The following PHACTR1 variants were observed in gnomAD, a reference collection of about 807,000 sequenced individuals.
The protein encoded by PHACTR1 is RPEL repeat containing 1.
A neutral mutation model predicts 69.2 loss-of-function variants in PHACTR1; 16 were observed. That is an observed-to-expected ratio of 0.23 (90% CI 0.16 to 0.35). PHACTR1 has a LOEUF of 0.35. PHACTR1 is among the 10% of genes least tolerant of loss of function. The pLI is 1.00. For missense variants in PHACTR1, 510 were observed against 734.7 expected (o/e 0.69, Z 3.54); for synonymous variants, 312 against 284.5 (o/e 1.10, Z -0.97).
chr6:13,054,536 C>G (rs1806486360), intron 5 of PHACTR1, among the ~76,000 whole-genome samples: 1 of 152,190 alleles, frequency 6.6e-6, no homozygotes, highest in African/African-American at 2.4e-5. Flanking sequence ...TCTGAGGCCT[C>G]TTCTCTTGGC....
At chr6:12,780,907 T>C (rs573164465) in intron 4 of PHACTR1, among the ~76,000 whole-genome samples, 1 of 152,184 alleles carries the variant, frequency 6.6e-6, no homozygotes, top group South Asian at 2.1e-4. Context: ...GGGGAAGGAA[T>C]GGGGAGAGAC....
intron 4 of PHACTR1, among the ~76,000 whole-genome samples, chr6:12,996,029 C>A (rs1797375240): frequency 6.6e-6 from 1 of 151,892 alleles, no homozygotes; most frequent in Non-Finnish European, 1.5e-5. Context: ...TTGAACTGAA[C>A]AATAATTTAA....
intron 7 of PHACTR1, among the ~76,000 whole-genome samples, chr6:13,198,343 C>T (rs1764716637): frequency 6.6e-6 from 1 of 152,140 alleles, no homozygotes; most frequent in Non-Finnish European, 1.5e-5. Context: ...TGGGCAGGCG[C>T]CTCAGCCAGC....
chr6:13,026,524 T>C (rs532130533), intron 4 of PHACTR1, among the ~76,000 whole-genome samples: 36 of 152,246 alleles, frequency 2.4e-4, no homozygotes, highest in African/African-American at 8.4e-4. Context: ...CAGGGAGTCT[T>C]GTGCTTTTAT....
At chr6:12,980,759 C>A (rs1398966280) in intron 4 of PHACTR1, among the ~76,000 whole-genome samples, 1 of 152,202 alleles carries the variant, frequency 6.6e-6, no homozygotes, top group African/African-American at 2.4e-5. Context: ...AGACCAAAGA[C>A]AAAGACAGCC....
rs554005277 is a variant in PHACTR1 at position 12,824,150 on chromosome 6, C to T, written c.250+74360C>T. 2.0e-5 allele frequency among the ~76,000 whole-genome samples: 3 copies of T among 152,200 alleles called. 1 individual carries two copies. Among genetic ancestry groups the T allele is most frequent in the South Asian group, 4.2e-4 (2 of 4,818 alleles). On this transcript the variant is annotated intron_variant, in intron 4 of 14. Coordinates refer to ENST00000332995, the MANE Select transcript of PHACTR1 (RefSeq NM_030948.6). ...TGGTGGCATTAGATTTTCATAGAAG[C>T]GAGAATCCTATCGTGGAAGGCACAG... is the stretch of plus-strand genomic sequence containing the variant.
At chr6:13,088,771 C>T (rs1812729308) in intron 5 of PHACTR1, among the ~76,000 whole-genome samples, 1 of 152,134 alleles carries the variant, frequency 6.6e-6, no homozygotes, top group Non-Finnish European at 1.5e-5. Context: ...AAGAGCCCTT[C>T]TAAGGTCAGC....
chr6:12,874,163 T>C (rs1240598416), intron 4 of PHACTR1, among the ~76,000 whole-genome samples: 1 of 152,134 alleles, frequency 6.6e-6, no homozygotes, highest in Non-Finnish European at 1.5e-5. Context: ...ATTCTAAGAG[T>C]TCTGAAGTTC....
At chr6:12,949,256 C>T (rs1250514586) in intron 4 of PHACTR1, among the ~76,000 whole-genome samples, 8 of 119,438 alleles carry the variant, frequency 6.7e-5, no homozygotes, top group Non-Finnish European at 1.1e-4. Context: ...GCAACAAGAG[C>T]GAAACGTCAT....
intron 4 of PHACTR1, among the ~76,000 whole-genome samples, chr6:12,788,488 G>T (rs1009758815): frequency 6.6e-6 from 1 of 152,180 alleles, no homozygotes; most frequent in African/African-American, 2.4e-5. Context: ...AGGACACTGA[G>T]AATATATTGG....
At chr6:12,762,671 C>T (rs537561450) in intron 4 of PHACTR1, among the ~76,000 whole-genome samples, 1 of 152,292 alleles carries the variant, frequency 6.6e-6, no homozygotes, top group South Asian at 2.1e-4. Flanking sequence ...ACCCTCACCT[C>T]AGAACTCCTC....
intron 4 of PHACTR1, among the ~76,000 whole-genome samples, chr6:13,008,362 A>G (rs1458946867): frequency 6.6e-6 from 1 of 152,254 alleles, no homozygotes; most frequent in East Asian, 1.9e-4. Flanking sequence ...AATAGATGCC[A>G]GCCATAAACA....
intron 10 of PHACTR1, among the ~76,000 whole-genome samples, chr6:13,271,457 TAAACAA>T (rs200721044): frequency 0.022 from 3,308 of 152,260 alleles, 104 homozygotes; most frequent in African/African-American, 0.074. Context: ...CCCAGCACAA[TAAACAA>T]AAACACAAAT....
intron 4 of PHACTR1, among the ~76,000 whole-genome samples, chr6:13,027,171 TG>T (rs984266974): frequency 6.6e-6 from 1 of 152,184 alleles, no homozygotes; most frequent in African/African-American, 2.4e-5. Context: ...ACCGAGTACC[TG>T]CTCCTTTGGT....
chr6:12,864,588 G>C (rs1245907336), intron 4 of PHACTR1, among the ~76,000 whole-genome samples: 1 of 152,010 alleles, frequency 6.6e-6, no homozygotes, highest in Non-Finnish European at 1.5e-5. Flanking sequence ...GCTGAGGCAG[G>C]AGAATGGCGT....
intron 7 of PHACTR1, among the ~76,000 whole-genome samples, chr6:13,194,496 T>C (rs1413307791): frequency 1.3e-5 from 2 of 149,352 alleles, no homozygotes; most frequent in African/African-American, 2.5e-5. Context: ...AAAAAAAAAC[T>C]AACTGAATTA....
At chr6:13,168,180 G>T (rs1235496077) in intron 6 of PHACTR1, among the ~76,000 whole-genome samples, 1 of 152,174 alleles carries the variant, frequency 6.6e-6, no homozygotes, top group Non-Finnish European at 1.5e-5. Context: ...TTTACTTTCA[G>T]CATCAACAAC....
intron 6 of PHACTR1, among the ~76,000 whole-genome samples, chr6:13,170,112 A>G (rs1760374416): frequency 1.3e-5 from 2 of 152,222 alleles, no homozygotes; most frequent in Admixed American, 1.3e-4. Flanking sequence ...TCACATGCGT[A>G]TACCACAGTG....
Position 12,867,921 on chromosome 6 carries a change from A to G in PHACTR1, c.250+118131A>G, listed in dbSNP as rs755676334. 6.5e-4 allele frequency among the ~76,000 whole-genome samples: 99 copies of G among 152,254 alleles called. 1 individual carries two copies. Among genetic ancestry groups the G allele is most frequent in the Middle Eastern group, 3.4e-3 (1 of 294 alleles). ...CCTCTATTTTTAGACTAACATTGCC[A>G]CAGTTCCACACCAATCCATAGATAT... On this transcript the variant is annotated intron_variant, in intron 4 of 14. Transcript: ENST00000332995.
Sources: gnomAD v4.1 joint callset for allele counts (sites outside exome capture counted in the v4.1 genomes callset) on GRCh38, gnomAD v4.1.1 for gene constraint, MANE v1.5 for transcripts, NCBI Gene and HGNC (gene_info 2026-07-23, HGNC 2026-07-21) for gene names.